Variants in SAR1A observed in about 807,000 individuals in gnomAD.
SAR1A encodes secretion associated Ras related GTPase 1A.
Under a neutral mutation model 22.6 loss-of-function variants are expected in SAR1A, and 6 were observed. That is an observed-to-expected ratio of 0.27 (90% confidence interval 0.15 to 0.52). The LOEUF (loss-of-function observed/expected upper bound fraction) is 0.52. Among genes scored for constraint, SAR1A ranks in the 20% least tolerant of loss-of-function variants. SAR1A has a pLI of 0.96. For synonymous variants in SAR1A, 70 were observed against 82.2 expected, an observed-to-expected ratio of 0.85 and a Z score of 0.80; for missense variants, 145 against 245.1, an observed-to-expected ratio of 0.59 and a Z score of 2.73.
chr10:70,164,101 A>T (rs986596233), intron 1 of SAR1A: 27 of 749,744 alleles, frequency 3.6e-5, no homozygotes, highest in Non-Finnish European at 4.7e-5. Flanking sequence ...GTAAACTATG[A>T]GTTTGTACAA....
intron 1 of SAR1A, chr10:70,163,857 G>A (rs1017233223): frequency 1.8e-5 from 28 of 1,581,328 alleles, no homozygotes; most frequent in African/African-American, 4.0e-5. Context: ...AGTAGATGCT[G>A]ATGGTAATGG....
Position 70,158,137 on chromosome 10 carries a change from C to A in SAR1A, c.245-270G>T, listed in dbSNP as rs150942755. 6.2e-3 allele frequency among the ~76,000 whole-genome samples: 942 copies of A among 152,306 alleles called. 17 individuals are homozygous for A. Among genetic ancestry groups the A allele is most frequent in the African/African-American group, 0.021 (890 of 41,560 alleles). Reference sequence around the variant, plus strand: ...TGGCAATCCCATGCCTACTTATCCACGTGACAATTATCAGCAGGAACTAAG... The same window carrying A: ...TGGCAATCCCATGCCTACTTATCCAAGTGACAATTATCAGCAGGAACTAAG... On this transcript the variant is annotated intron_variant, in intron 4 of 6. Coordinates refer to ENST00000373241, the MANE Select transcript of SAR1A (RefSeq NM_020150.5).
intron 1 of SAR1A, 37 bp from the exon 2 acceptor site, chr10:70,161,968 T>C: frequency 7.1e-7 from 1 of 1,407,938 alleles, no homozygotes. Context: ...ATTAGCTTTC[T>C]GAATGACAGT....
chr10:70,166,238 C>T (rs554208233), intron 1 of SAR1A, among the ~76,000 whole-genome samples: 4 of 152,234 alleles, frequency 2.6e-5, no homozygotes, highest in East Asian at 1.9e-4. Flanking sequence ...ACAGTATATC[C>T]GAGGTATGCC....
At chr10:70,152,916 A>G (rs1303880220) in intron 6 of SAR1A, among the ~76,000 whole-genome samples, 1 of 152,170 alleles carries the variant, frequency 6.6e-6, no homozygotes, top group African/African-American at 2.4e-5. Flanking sequence ...CTGATGCAGA[A>G]AAGAGGTCTG....
intron 1 of SAR1A, 38 bp from the exon 2 acceptor site, chr10:70,161,969 G>T: frequency 7.1e-7 from 1 of 1,409,108 alleles, no homozygotes; most frequent in Non-Finnish European, 1.0e-6. Context: ...TTAGCTTTCT[G>T]AATGACAGTA....
At chr10:70,159,981 T>C (rs1232536479) in intron 4 of SAR1A, among the ~76,000 whole-genome samples, 2 of 152,218 alleles carry the variant, frequency 1.3e-5, no homozygotes, top group Non-Finnish European at 2.9e-5. Context: ...GGATAGAATA[T>C]ACAAAATATC....
At chr10:70,165,955 A>G (rs1211169280) in intron 1 of SAR1A, among the ~76,000 whole-genome samples, 1 of 152,270 alleles carries the variant, frequency 6.6e-6, no homozygotes, top group Non-Finnish European at 1.5e-5. Flanking sequence ...CAACCTGATC[A>G]GTCAACAGCT....
chr10:70,164,472 G>A (rs1280663959), intron 1 of SAR1A, among the ~76,000 whole-genome samples: 2 of 152,176 alleles, frequency 1.3e-5, no homozygotes, highest in Admixed American at 1.3e-4. Flanking sequence ...GTTGAAGTAT[G>A]GAGTTGTAAC....
chr10:70,161,541 C>T, intron 3 of SAR1A, 78 bp downstream of exon 3: 1 of 1,539,786 alleles, frequency 6.5e-7, no homozygotes, highest in Non-Finnish European at 8.8e-7. Context: ...AAAAGAACTC[C>T]ACCAACTAGG....
intron 6 of SAR1A, among the ~76,000 whole-genome samples, chr10:70,152,855 G>A (rs1490070245): frequency 6.6e-6 from 1 of 152,134 alleles, no homozygotes; most frequent in Non-Finnish European, 1.5e-5. Context: ...GTAAAGTTAT[G>A]GCAGCAAACC....
intron 1 of SAR1A, chr10:70,164,242 T>C (rs759938462): frequency 1.2e-5 from 7 of 560,024 alleles, no homozygotes; most frequent in Non-Finnish European, 2.0e-5. Context: ...TATGCATGTA[T>C]GGTAATCAGG....
At chr10:70,170,267 T>C (rs1839608838) in intron 1 of SAR1A, 146 bp downstream of exon 1, 3 of 141,842 alleles carry the variant, frequency 2.1e-5, no homozygotes, top group Non-Finnish European at 3.1e-5. Flanking sequence ...CCGCCCAGAA[T>C]CAGCCCCGCG....
intron 5 of SAR1A, chr10:70,155,136 C>G (rs749730607): frequency 7.6e-6 from 4 of 523,284 alleles, no homozygotes; most frequent in Non-Finnish European, 1.6e-5. Context: ...TAAAAGACCA[C>G]AAATCCAGAA....
intron 5 of SAR1A, among the ~76,000 whole-genome samples, chr10:70,155,891 A>C (rs952034269): frequency 5.3e-5 from 8 of 152,264 alleles, no homozygotes; most frequent in African/African-American, 1.9e-4. Context: ...GAATGATCCT[A>C]TGTGCTATGC....
chr10:70,168,005 C>T (rs1449570236), intron 1 of SAR1A, among the ~76,000 whole-genome samples: 5 of 152,216 alleles, frequency 3.3e-5, no homozygotes, highest in Non-Finnish European at 7.3e-5. Flanking sequence ...TGCCCTTCCT[C>T]TGCAACTCCC....
intron 5 of SAR1A, chr10:70,155,036 ATT>A (rs926112150): frequency 4.0e-6 from 2 of 505,240 alleles, no homozygotes; most frequent in African/African-American, 3.9e-5. Context: ...GGATTCAAGC[ATT>A]TAGATAGACA....
At chr10:70,157,208 A>G (rs1319808583) in intron 5 of SAR1A, among the ~76,000 whole-genome samples, 1 of 152,018 alleles carries the variant, frequency 6.6e-6, no homozygotes, top group East Asian at 1.9e-4. Context: ...ATCAAGACCA[A>G]CCTGACTAAC....
rs1325547353 is a variant in SAR1A at position 70,151,336 on chromosome 10, T to A, written c.*1140A>T. 1 of 126,654 alleles carries A rather than the reference T, an allele frequency of 7.9e-6. No homozygotes were observed. Among genetic ancestry groups the A allele is most frequent in the African/African-American group, 2.9e-5 (1 of 34,574 alleles). 7.8% of individuals were successfully genotyped at this position (126,654 alleles called of 1,614,324 possible). ...TTACTTTAAACACCAATAAAATAGG[T>A]GTCAAAGGAGAAAAAATGTAAAAAA... On this transcript the variant is annotated 3_prime_UTR_variant, in exon 7 of 7. Coordinates refer to ENST00000373241, the MANE Select transcript of SAR1A (RefSeq NM_020150.5).
Sources: gnomAD v4.1 joint callset for allele counts (sites outside exome capture counted in the v4.1 genomes callset) on GRCh38, gnomAD v4.1.1 for gene constraint, MANE v1.5 for transcripts, NCBI Gene and HGNC (gene_info 2026-07-23, HGNC 2026-07-21) for gene names.